FHIT: variants seen among roughly 807,000 people sequenced by gnomAD.
FHIT encodes the protein fragile histidine triad diadenosine triphosphatase, also known as bis(5'-adenosyl)-triphosphatase.
FHIT carries 19 observed loss-of-function variants against 17.9 expected under a neutral mutation model. The ratio of observed to expected loss-of-function variants is 1.06; its 90% CI spans 0.74 to 1.56. The LOEUF (loss-of-function observed/expected upper bound fraction) is 1.56, where lower values mean the gene tolerates loss of function less well. Among genes scored for constraint, FHIT ranks in the 40% most tolerant of loss-of-function variants. The pLI is 0.00. For missense variants in FHIT, 248 were observed against 189.2 expected (o/e 1.31, Z -1.82); for synonymous variants, 81 against 69.7 (o/e 1.16, Z -0.81).
At chr3:61,059,586 AG>A (rs2034354331) in intron 2 of FHIT, among the ~76,000 whole-genome samples, 1 of 152,052 alleles carries the variant, frequency 6.6e-6, no homozygotes, top group African/African-American at 2.4e-5. Flanking sequence ...TTAAAGTAGG[AG>A]GAAATGGAGA....
intron 7 of FHIT, among the ~76,000 whole-genome samples, chr3:60,005,015 T>C (rs1699867834): frequency 6.6e-6 from 1 of 152,112 alleles, no homozygotes; most frequent in East Asian, 1.9e-4. Flanking sequence ...AAAGGTTAAC[T>C]CGCCCAGGGT....
chr3:60,737,859 T>C (rs2042164659), intron 4 of FHIT, among the ~76,000 whole-genome samples: 1 of 152,140 alleles, frequency 6.6e-6, no homozygotes, highest in Non-Finnish European at 1.5e-5. Context: ...TTTTTATTGA[T>C]TTTCCCCTAA....
At chr3:60,441,855 G>GTTTT (rs75740422) in intron 5 of FHIT, among the ~76,000 whole-genome samples, 1 of 115,634 alleles carries the variant, frequency 8.6e-6, no homozygotes, top group Non-Finnish European at 1.8e-5. Flanking sequence ...TTTTAGTTGT[G>GTTTT]TTTTTTTTTT....
At chr3:61,121,746 A>G (rs2036463204) in intron 2 of FHIT, among the ~76,000 whole-genome samples, 1 of 152,190 alleles carries the variant, frequency 6.6e-6, no homozygotes, top group African/African-American at 2.4e-5. Flanking sequence ...CAACAATATT[A>G]AACTTAACTG....
intron 2 of FHIT, among the ~76,000 whole-genome samples, chr3:61,065,484 A>G (rs981913907): frequency 2.6e-5 from 4 of 152,212 alleles, no homozygotes; most frequent in African/African-American, 9.6e-5. Flanking sequence ...GAGATCAAGA[A>G]GGTCCAATCC....
At chr3:60,847,800 C>T (rs1457821121) in intron 3 of FHIT, among the ~76,000 whole-genome samples, 3 of 152,062 alleles carry the variant, frequency 2.0e-5, no homozygotes, top group South Asian at 2.1e-4. Context: ...TCCTATTAGT[C>T]GACATTTCTG....
chr3:61,139,659 T>C (rs78931185), intron 2 of FHIT, among the ~76,000 whole-genome samples: 6,025 of 152,018 alleles, frequency 0.04, 156 homozygotes, highest in Non-Finnish European at 0.064. Context: ...AATAGCAGAG[T>C]ATGCATGTAA....
chr3:60,579,101 C>T lies in FHIT; in HGVS notation c.-17-42122G>A, dbSNP rs539432901. On this transcript the variant is annotated intron_variant, in intron 4 of 9. Coordinates refer to ENST00000492590, the MANE Select transcript of FHIT (RefSeq NM_002012.4). ...TAGTAGAGGAGCAAGCATACCTGTA[C>T]AGTCATGCATTGCTTAACAATGAGA... 2.8e-4 allele frequency among the ~76,000 whole-genome samples: 42 copies of T among 152,270 alleles called. 1 individual carries two copies. Among genetic ancestry groups the T allele is most frequent in the Admixed American group, 1.3e-3 (20 of 15,278 alleles).
At chr3:60,939,140 A>G (rs1553773865) in intron 3 of FHIT, among the ~76,000 whole-genome samples, 2 of 152,168 alleles carry the variant, frequency 1.3e-5, no homozygotes, top group African/African-American at 4.8e-5. Flanking sequence ...TGACACCTTA[A>G]CTTCTACTTT....
intron 5 of FHIT, among the ~76,000 whole-genome samples, chr3:60,333,324 C>G (rs1360715054): frequency 6.6e-6 from 1 of 152,156 alleles, no homozygotes; most frequent in Admixed American, 6.6e-5. Flanking sequence ...GATATGAAAC[C>G]ATTAGGCTAT....
chr3:60,077,811 C>T (rs1703099298), intron 5 of FHIT, among the ~76,000 whole-genome samples: 1 of 150,406 alleles, frequency 6.6e-6, no homozygotes, highest in Non-Finnish European at 1.5e-5. Flanking sequence ...ATGATGACTA[C>T]AGTCAATAAA....
At chr3:60,785,223 A>G (rs1017826725) in intron 4 of FHIT, among the ~76,000 whole-genome samples, 1 of 152,238 alleles carries the variant, frequency 6.6e-6, no homozygotes, top group Non-Finnish European at 1.5e-5. Flanking sequence ...AGACAGAGTT[A>G]TAGTCCAGAG....
chr3:60,307,518 GTTGT>G (rs1708732297), intron 5 of FHIT, among the ~76,000 whole-genome samples: 1 of 152,098 alleles, frequency 6.6e-6, no homozygotes, highest in Admixed American at 6.6e-5. Context: ...TCTTCAGTGT[GTTGT>G]TTGACAATGA....
intron 5 of FHIT, among the ~76,000 whole-genome samples, chr3:60,245,649 G>A (rs2107581152): frequency 6.6e-6 from 1 of 152,046 alleles, no homozygotes; most frequent in East Asian, 1.9e-4. Flanking sequence ...AGATAATCAA[G>A]CAATATATAT....
chr3:60,340,975 C>A (rs1246305456), intron 5 of FHIT, among the ~76,000 whole-genome samples: 2 of 152,120 alleles, frequency 1.3e-5, no homozygotes, highest in Admixed American at 6.6e-5. Context: ...AGGTGTGAGC[C>A]ACTGCACCCG....
intron 3 of FHIT, among the ~76,000 whole-genome samples, chr3:60,884,266 G>A (rs1705111845): frequency 6.6e-6 from 1 of 152,132 alleles, no homozygotes; most frequent in African/African-American, 2.4e-5. Flanking sequence ...CTGATAGTGG[G>A]AATATAAATT....
chr3:60,475,649 G>A (rs2107459903), intron 5 of FHIT, among the ~76,000 whole-genome samples: 1 of 152,270 alleles, frequency 6.6e-6, no homozygotes, highest in South Asian at 2.1e-4. Flanking sequence ...ATGGGCCTGG[G>A]CCAATCAGCC....
intron 5 of FHIT, among the ~76,000 whole-genome samples, chr3:60,066,626 A>C (rs955590390): frequency 1.8e-5 from 2 of 108,734 alleles, no homozygotes; most frequent in Non-Finnish European, 3.9e-5. Flanking sequence ...TTAATCCCTG[A>C]CAAATTTTTT....
intron 4 of FHIT, chr3:60,553,438 T>A: frequency 1.8e-6 from 1 of 567,324 alleles, no homozygotes; most frequent in Non-Finnish European, 2.2e-6. Context: ...GTCACTGCTT[T>A]AAAATATATA....
Sources: allele counts gnomAD v4.1 joint callset (sites outside exome capture counted in the v4.1 genomes callset), GRCh38; gene constraint gnomAD v4.1.1; transcripts MANE v1.5; gene names NCBI Gene and HGNC (gene_info 2026-07-23, HGNC 2026-07-21).